OPCML: variants seen among roughly 807,000 people sequenced by gnomAD.
OPCML encodes opioid binding protein/cell adhesion molecule like.
Under a neutral mutation model 37.8 loss-of-function variants are expected in OPCML, and 13 were observed. The ratio of observed to expected loss-of-function variants is 0.34; its 90% CI spans 0.22 to 0.55. The LOEUF (loss-of-function observed/expected upper bound fraction) is 0.55, where lower values mean the gene tolerates loss of function less well. Among genes scored for constraint, OPCML ranks in the 20% least tolerant of loss-of-function variants. The probability of loss-of-function intolerance (pLI) is 0.91; values close to 1 mark genes in which losing one functional copy is unlikely to be tolerated. For missense variants in OPCML, 341 were observed against 435.6 expected (o/e 0.78, Z 1.93); for synonymous variants, 176 against 168.8 (o/e 1.04, Z -0.33).
At chr11:133,048,537 G>C (rs1948065899) in intron 1 of OPCML, among the ~76,000 whole-genome samples, 1 of 152,166 alleles carries the variant, frequency 6.6e-6, no homozygotes, top group Non-Finnish European at 1.5e-5. Context: ...GTGTATTGCA[G>C]GTTAATTAAT....
At chr11:132,539,318 T>C (rs1315789753) in intron 3 of OPCML, among the ~76,000 whole-genome samples, 1 of 152,162 alleles carries the variant, frequency 6.6e-6, no homozygotes, top group East Asian at 1.9e-4. Context: ...TGGATCAGCC[T>C]GTGCAAAGGA....
intron 4 of OPCML, among the ~76,000 whole-genome samples, chr11:132,485,817 C>G (rs115487295): frequency 0.011 from 1,670 of 152,112 alleles, 33 homozygotes; most frequent in African/African-American, 0.039. Context: ...GTCCATGTAC[C>G]CTGTTTCCCT....
intron 2 of OPCML, among the ~76,000 whole-genome samples, chr11:132,684,840 G>T (rs1415713899): frequency 6.6e-6 from 1 of 152,020 alleles, no homozygotes; most frequent in Non-Finnish European, 1.5e-5. Context: ...GTCTCTTCTG[G>T]GTTGATTTTC....
intron 4 of OPCML, among the ~76,000 whole-genome samples, chr11:132,467,848 G>A (rs928139779): frequency 6.6e-6 from 1 of 152,160 alleles, no homozygotes; most frequent in African/African-American, 2.4e-5. Context: ...TCAAAGTTCA[G>A]AGTCTTCCAG....
intron 1 of OPCML, among the ~76,000 whole-genome samples, chr11:133,461,567 GT>G (rs1229768145): frequency 1.3e-5 from 2 of 151,674 alleles, no homozygotes; most frequent in African/African-American, 4.8e-5. Flanking sequence ...AAAACCAAGA[GT>G]AAAATTAGTA....
intron 2 of OPCML, among the ~76,000 whole-genome samples, chr11:132,920,944 A>G (rs1944772215): frequency 1.3e-5 from 2 of 152,048 alleles, no homozygotes; most frequent in Middle Eastern, 3.4e-3. Flanking sequence ...CCCTTCCTGC[A>G]CTCGGCTTGA....
intron 1 of OPCML, among the ~76,000 whole-genome samples, chr11:133,107,430 G>A (rs1478608585): frequency 6.6e-6 from 1 of 152,178 alleles, no homozygotes; most frequent in Non-Finnish European, 1.5e-5. Flanking sequence ...TGCTGTCCTT[G>A]TCCATGCTTC....
chr11:133,018,721 C>G (rs1333110778), intron 1 of OPCML, among the ~76,000 whole-genome samples: 1 of 152,224 alleles, frequency 6.6e-6, no homozygotes, highest in Admixed American at 6.5e-5. Context: ...CAGCCTCTTC[C>G]TGATCCCAGA....
chr11:133,463,772 C>G (rs1946913369), intron 1 of OPCML, among the ~76,000 whole-genome samples: 1 of 151,706 alleles, frequency 6.6e-6, no homozygotes, highest in African/African-American at 2.4e-5. Context: ...CCTTGGTTCT[C>G]CAAAAAAAGT....
intron 2 of OPCML, among the ~76,000 whole-genome samples, chr11:132,885,355 C>T (rs1266056142): frequency 2.0e-5 from 3 of 152,190 alleles, no homozygotes; most frequent in African/African-American, 7.2e-5. Context: ...TCACCATTCT[C>T]TTTGGGTGAC....
At chr11:133,434,976 A>G (rs1014460068) in intron 1 of OPCML, among the ~76,000 whole-genome samples, 13 of 151,758 alleles carry the variant, frequency 8.6e-5, no homozygotes, top group Non-Finnish European at 1.2e-4. Flanking sequence ...CAGAAACTGG[A>G]AAAAGCAATT....
At chr11:133,348,992 G>C (rs7928938) in intron 1 of OPCML, among the ~76,000 whole-genome samples, 30,310 of 152,140 alleles carry the variant, frequency 0.2, 4,666 homozygotes, top group African/African-American at 0.42. Flanking sequence ...TGTGTCATAG[G>C]GGTGCGGGGG....
chr11:133,182,020 G>T (rs1418867712), intron 1 of OPCML, among the ~76,000 whole-genome samples: 1 of 151,136 alleles, frequency 6.6e-6, no homozygotes, highest in African/African-American at 2.4e-5. Flanking sequence ...CCAAATACAT[G>T]CTCCTTGGGA....
chr11:133,113,177 C>T (rs1000239815), intron 1 of OPCML, among the ~76,000 whole-genome samples: 19 of 152,202 alleles, frequency 1.2e-4, no homozygotes, highest in African/African-American at 4.6e-4. Context: ...CAGAGCTAAA[C>T]TGTATGGGTA....
chr11:133,468,153 G>T (rs151260252), intron 1 of OPCML, among the ~76,000 whole-genome samples: 86 of 152,300 alleles, frequency 5.6e-4, no homozygotes, highest in African/African-American at 2.0e-3. Flanking sequence ...AATTTAAGGG[G>T]TTTTTCCTTG....
At chr11:133,195,235 T>C (rs1223147124) in intron 1 of OPCML, among the ~76,000 whole-genome samples, 1 of 152,162 alleles carries the variant, frequency 6.6e-6, no homozygotes, top group Non-Finnish European at 1.5e-5. Context: ...ACTCTGACTG[T>C]TTCCATATTC....
intron 1 of OPCML, among the ~76,000 whole-genome samples, chr11:133,238,275 G>A (rs1940599966): frequency 6.6e-6 from 1 of 152,184 alleles, no homozygotes; most frequent in Admixed American, 6.5e-5. Context: ...TCCATAGGTG[G>A]CTGTTGGGCA....
intron 3 of OPCML, among the ~76,000 whole-genome samples, chr11:132,607,141 G>C (rs911899008): frequency 5.9e-5 from 9 of 152,148 alleles, no homozygotes; most frequent in Non-Finnish European, 5.9e-5. Flanking sequence ...CAAATGACAG[G>C]GCTTGGACTA....
intron 2 of OPCML, among the ~76,000 whole-genome samples, chr11:132,704,998 T>C (rs1943972108): frequency 1.3e-5 from 2 of 152,236 alleles, no homozygotes; most frequent in African/African-American, 4.8e-5. Flanking sequence ...CAGTGCTGAG[T>C]TCCATTTTGT....
Sources: gnomAD v4.1 joint callset for allele counts (sites outside exome capture counted in the v4.1 genomes callset) on GRCh38, gnomAD v4.1.1 for gene constraint, MANE v1.5 for transcripts, NCBI Gene and HGNC (gene_info 2026-07-23, HGNC 2026-07-21) for gene names.